C6orf89: variants seen among roughly 807,000 people sequenced by gnomAD.
C6orf89 encodes the protein bombesin receptor-activated protein C6orf89.
In C6orf89, 29 loss-of-function variants were observed where a neutral mutation model predicts 40.7. That is an observed-to-expected ratio of 0.71 (90% CI 0.53 to 0.97). The LOEUF is 0.97. Ranked by LOEUF, C6orf89 falls within the 50% of genes least tolerant of loss-of-function variation. The probability of loss-of-function intolerance (pLI) is 0.00; values close to 1 mark genes in which losing one functional copy is unlikely to be tolerated. For missense variants in C6orf89, 392 were observed against 429.1 expected (o/e 0.91, Z 0.76); for synonymous variants, 165 against 152.2 (o/e 1.08, Z -0.62).
chr6:36,897,965 A>G (rs1029620622), intron 2 of C6orf89, among the ~76,000 whole-genome samples: 5 of 152,174 alleles, frequency 3.3e-5, no homozygotes, highest in South Asian at 2.1e-4. Flanking sequence ...TAAATAAATA[A>G]AGCCCAGTAG....
Position 36,879,596 on chromosome 6 carries a change from A to C in C6orf89, c.-503+464A>C, listed in dbSNP as rs149415472. Among the ~76,000 whole-genome samples the C allele has an allele frequency of 1.4e-4, 22 of 152,324 alleles. No homozygotes were observed. In the East Asian group the frequency reaches 4.2e-3, roughly 29 times the overall value. On this transcript the variant is annotated intron_variant, in intron 2 of 9. Transcript: ENST00000359359. The stretch of plus-strand genomic sequence containing the variant: ...TCTCTAAGGTTTTGATTAATGCAAA[A>C]AAAATTCTGAGGTTAGTCTTAAACT...
At chr6:36,903,403 T>C (rs1761798679) in intron 4 of C6orf89, among the ~76,000 whole-genome samples, 1 of 152,220 alleles carries the variant, frequency 6.6e-6, no homozygotes, top group Admixed American at 6.5e-5. Flanking sequence ...AGAATGTGTC[T>C]TAAATTTTAG....
chr6:36,908,061 T>C (rs889662326), intron 4 of C6orf89, among the ~76,000 whole-genome samples: 4 of 152,204 alleles, frequency 2.6e-5, no homozygotes, highest in Admixed American at 2.6e-4. Context: ...AAGAGGAGCC[T>C]GCACCCTACC....
At chr6:36,872,837 T>C (rs966420860) in intron 1 of C6orf89, among the ~76,000 whole-genome samples, 2 of 152,218 alleles carry the variant, frequency 1.3e-5, no homozygotes, top group African/African-American at 4.8e-5. Context: ...CTTGAACTCC[T>C]GGGCTCAAGC....
chr6:36,892,492 CT>C (rs1417552345), intron 1 of C6orf89, among the ~76,000 whole-genome samples: 1 of 152,172 alleles, frequency 6.6e-6, no homozygotes, highest in Non-Finnish European at 1.5e-5. Context: ...TAGGCATGTG[CT>C]GCTGTGCCCA....
At chr6:36,903,350 A>T (rs1178535970) in intron 4 of C6orf89, among the ~76,000 whole-genome samples, 1 of 152,208 alleles carries the variant, frequency 6.6e-6, no homozygotes, top group African/African-American at 2.4e-5. Context: ...AATATCACAA[A>T]TGGATTATAG....
rs1762601039 is a variant in C6orf89, at chr6:36,923,985, A to C, written c.*544A>C. The C allele has an allele frequency of 5.3e-6, 1 of 190,334 alleles. No individual in the cohort carries two copies. The highest frequency in any genetic ancestry group is 1.1e-5 in the Non-Finnish European group (1 of 89,694). The allele number at this position is 190,334 out of a possible 1,614,324, so 11.8% of individuals were successfully genotyped here. A position where few individuals can be genotyped will look rare whatever the true frequency, so the allele number is the denominator to read the frequency against. Reference sequence around the variant, plus strand: ...AGTGAAAAAAGTTCAGATAACTTTGAATTGCATTCAAGAAGTACACTTCTT... The same window carrying C: ...AGTGAAAAAAGTTCAGATAACTTTGCATTGCATTCAAGAAGTACACTTCTT... On this transcript the variant is annotated 3_prime_UTR_variant, in exon 9 of 9. Transcript: ENST00000480824.
chr6:36,905,197 A>G (rs921636544), intron 4 of C6orf89, among the ~76,000 whole-genome samples: 2 of 152,124 alleles, frequency 1.3e-5, no homozygotes, highest in African/African-American at 4.8e-5. Flanking sequence ...TTTTATGCCC[A>G]TTTTACAGAT....
At chr6:36,912,988 C>G (rs528763260) in intron 4 of C6orf89, among the ~76,000 whole-genome samples, 25 of 152,326 alleles carry the variant, frequency 1.6e-4, no homozygotes, top group African/African-American at 6.0e-4. Flanking sequence ...GTCGTAGGCT[C>G]TCTCCTGATT....
At chr6:36,900,937 C>T (rs998260562) in intron 3 of C6orf89, among the ~76,000 whole-genome samples, 12 of 152,078 alleles carry the variant, frequency 7.9e-5, no homozygotes, top group African/African-American at 2.9e-4. Context: ...ACCTCCGCCT[C>T]CCAGGTTCAA....
intron 4 of C6orf89, 67 bp from the exon 5 acceptor site, chr6:36,914,217 G>T: frequency 7.5e-7 from 1 of 1,327,082 alleles, no homozygotes; most frequent in Non-Finnish European, 1.0e-6. Context: ...TTTCATTGTT[G>T]GAGCTACTGG....
At position 36,899,311 on chromosome 6, in the gene C6orf89, A is replaced by G. The variant is rs146491196; in HGVS notation, c.-19-115A>G. 679 of 791,028 alleles carry G rather than the reference A, an allele frequency of 8.6e-4. 1 individual carries two copies. The African/African-American group carries it at 0.01, about 12-fold the overall frequency. The allele number at this position is 791,028 out of a possible 1,614,324, so 49.0% of individuals were successfully genotyped here. On this transcript the variant is annotated intron_variant, in intron 2 of 8. Coordinates refer to ENST00000480824, the MANE Select transcript of C6orf89 (RefSeq NM_001286635.2). The stretch of plus-strand genomic sequence containing the variant: ...TCATGAAAGTATTGGTCTGTAGAGG[A>G]TTGAGGAAAGCACAAAACTGGTCCT...
chr6:36,878,055 T>G (rs1172262335), intron 1 of C6orf89, among the ~76,000 whole-genome samples: 1 of 152,246 alleles, frequency 6.6e-6, no homozygotes, highest in Non-Finnish European at 1.5e-5. Flanking sequence ...TGTTTTGTTT[T>G]TATCATATAG....
intron 2 of C6orf89, among the ~76,000 whole-genome samples, 180 bp downstream of exon 2, chr6:36,894,783 G>A (rs999241609): frequency 6.6e-6 from 1 of 152,124 alleles, no homozygotes; most frequent in African/African-American, 2.4e-5. Flanking sequence ...AAGGCACCTG[G>A]CATATAGGGT....
chr6:36,915,799 C>T (rs1046106858), intron 6 of C6orf89, among the ~76,000 whole-genome samples: 1 of 152,078 alleles, frequency 6.6e-6, no homozygotes, highest in Admixed American at 6.6e-5. Context: ...CAGCCAGGAT[C>T]GAAACCCCAG....
chr6:36,887,764 G>C (rs916483382), intron 1 of C6orf89, among the ~76,000 whole-genome samples: 2 of 152,250 alleles, frequency 1.3e-5, no homozygotes, highest in East Asian at 1.9e-4. Flanking sequence ...CATCACCCAG[G>C]TTGGAGTACA....
At position 36,924,290 on chromosome 6, in the gene C6orf89, G is replaced by C. The variant is rs1392666030; in HGVS notation, c.*849G>C. ...TTACCAAGTGTCTTCAGAGGGTTAT[G>C]AGTTAGAGTAGCTGGCCTGGGGAGA... On this transcript the variant is annotated 3_prime_UTR_variant, in exon 9 of 9. Transcript: ENST00000480824. 1 of 152,464 alleles carries C rather than the reference G, an allele frequency of 6.6e-6. No individual in the cohort carries two copies. The highest frequency in any genetic ancestry group is 1.5e-5 in the Non-Finnish European group (1 of 68,226). 9.4% of individuals were successfully genotyped at this position (152,464 alleles called of 1,614,324 possible).
intron 3 of C6orf89, among the ~76,000 whole-genome samples, chr6:36,901,834 C>G (rs1761732370): frequency 6.7e-6 from 1 of 150,132 alleles, no homozygotes; most frequent in Non-Finnish European, 1.5e-5. Flanking sequence ...TCATGCCTGG[C>G]TAATTTTTTT....
At chr6:36,881,654 G>A (rs9366920), upstream of C6orf89, among the ~76,000 whole-genome samples, 66,824 of 152,080 alleles carry the variant, frequency 0.44, 15,304 homozygotes, top group East Asian at 0.65. Flanking sequence ...AGCTTGGGCA[G>A]CAAGAGTGAA....
Sources: allele counts gnomAD v4.1 joint callset (sites outside exome capture counted in the v4.1 genomes callset), GRCh38; gene constraint gnomAD v4.1.1; transcripts MANE v1.5; gene names NCBI Gene and HGNC (gene_info 2026-07-23, HGNC 2026-07-21).